HMCN2: variants seen among roughly 807,000 people sequenced by gnomAD.
HMCN2 encodes the protein hemicentin 2.
Under a neutral mutation model 377.5 loss-of-function variants are expected in HMCN2, and 325 were observed. The ratio of observed to expected loss-of-function variants is 0.86; its 90% confidence interval spans 0.79 to 0.94. The LOEUF is 0.94. HMCN2 is among the 40% of genes least tolerant of loss of function. HMCN2 has a pLI of 0.00. For missense variants in HMCN2, 4,543 were observed against 4,725.3 expected, an observed-to-expected ratio of 0.96 and a Z score of 1.13; for synonymous variants, 2,007 against 2,046.8, an observed-to-expected ratio of 0.98 and a Z score of 0.53.
intron 7 of HMCN2, 67 bp downstream of exon 7, chr9:130,296,861 A>C (rs1049900933): frequency 6.6e-6 from 3 of 456,214 alleles, no homozygotes; most frequent in African/African-American, 2.0e-5. Flanking sequence ...GGCTTTGGGA[A>C]GTAGGGGGGA....
At chr9:130,349,787 GC>G in intron 29 of HMCN2, 124 bp downstream of exon 29, 1 of 987,434 alleles carries the variant, frequency 1.0e-6, no homozygotes, top group Non-Finnish European at 1.3e-6. Context: ...GCCACCCAGG[GC>G]CCAGACTGAG....
rs1054675697 is a variant in HMCN2 at position 130,353,010 on chromosome 9, C to T, written c.4669C>T (p.Arg1557Ter). ...CCTAGTGCAGCTCCTGTGTGAGGCT[C>T]GAGGAGTGCCCACCCCAAACATCAC... The part of the protein sequence containing the change: ...DHLVQLLCEA[R>*]GVPTPNITWF... The change falls in exon 31 of 98, where the codon CGA becomes TGA. Residue 1557 changes from arginine to a stop codon, truncating the protein, a stop_gained. Coordinates refer to ENST00000683500, the MANE Select transcript of HMCN2 (RefSeq NM_001291815.2). LOFTEE classifies it high-confidence loss of function. 1.4e-5 allele frequency: 18 copies of T among 1,303,952 alleles called. No homozygotes were observed. Among genetic ancestry groups the T allele is most frequent in the African/African-American group, 9.1e-5 (6 of 65,816 alleles). The allele number at this position is 1,303,952 out of a possible 1,614,324, so 80.8% of individuals were successfully genotyped here.
chr9:130,358,796 C>A (rs1399362250), intron 36 of HMCN2, among the ~76,000 whole-genome samples: 1 of 152,102 alleles, frequency 6.6e-6, no homozygotes, highest in African/African-American at 2.4e-5. Context: ...GCCTCAGCCT[C>A]CCGAGCAGCT....
intron 22 of HMCN2, among the ~76,000 whole-genome samples, chr9:130,334,549 G>GT (rs1192246439): frequency 0.14 from 13,860 of 98,914 alleles, 1,434 homozygotes; most frequent in East Asian, 0.26. Context: ...ACTTTTGGAA[G>GT]TTTTTTTTTT....
chr9:130,351,395 G>GGCGCTTTTCCCTT lies in HMCN2; in HGVS notation c.4431-25_4431-13dup. The stretch of plus-strand genomic sequence containing the variant: ...TCCCATCCAGCCCCTCGGCCTTACT[G>GGCGCTTTTCCCTT]GCGCTTTTCCCTTGCCCGTCTCTCC... On this transcript the variant is annotated intron_variant, in intron 29 of 97. Transcript: ENST00000683500. The surrounding 1 kb of genome is among the most constrained non-coding windows in gnomAD (Gnocchi z 5.4). 7.7e-7 allele frequency: 1 copy of GGCGCTTTTCCCTT among 1,291,256 alleles called. No homozygotes were observed. Among genetic ancestry groups the GGCGCTTTTCCCTT allele is most frequent in the Non-Finnish European group, 1.0e-6 (1 of 979,610 alleles). 80.0% of individuals were successfully genotyped at this position (1,291,256 alleles called of 1,614,324 possible).
chr9:130,288,769 T>A (rs1835561614), intron 4 of HMCN2, among the ~76,000 whole-genome samples: 1 of 152,186 alleles, frequency 6.6e-6, no homozygotes. Flanking sequence ...GCATTTCACT[T>A]TTTTTCAATT....
At position 130,429,615 on chromosome 9, in the gene HMCN2, C is replaced by T; in HGVS notation, c.14256C>T (p.Asn4752=). Residue 4752 remains asparagine (N), a synonymous_variant, in exon 94 of 98, where the codon AAC becomes AAT. Coordinates refer to ENST00000683500, the MANE Select transcript of HMCN2 (RefSeq NM_001291815.2). ...DDCHYNQLCE[N]TPGGHRCSCP... The stretch of plus-strand genomic sequence containing the variant: ...GTCACTACAACCAGCTCTGCGAGAA[C>T]ACCCCAGGCGGTCACCGCTGCAGCT... 1 of 1,550,060 alleles carries T rather than the reference C, an allele frequency of 6.5e-7. No individual in the cohort carries two copies. Among genetic ancestry groups the T allele is most frequent in the East Asian group, 2.4e-5 (1 of 40,928 alleles).
In HMCN2 at chr9:130,407,515, A is replaced by G. The variant is rs951196985; in HGVS notation, c.12554-56A>G. 7.1e-5 allele frequency: 90 copies of G among 1,268,352 alleles called. No individual in the cohort carries two copies. In the African/African-American group the frequency reaches 1.2e-3, roughly 17 times the overall value. The allele number at this position is 1,268,352 out of a possible 1,614,324, so 78.6% of individuals were successfully genotyped here. On this transcript the variant is annotated intron_variant, in intron 82 of 97. Coordinates refer to ENST00000683500, the MANE Select transcript of HMCN2 (RefSeq NM_001291815.2). ...AAGTTCCTGCAGGTACCCAGGCACC[A>G]GGGAAGTGTTTAGGGCAGGAGTTCC...
At chr9:130,412,709 T>G (rs1394446923) in intron 85 of HMCN2, among the ~76,000 whole-genome samples, 1 of 152,036 alleles carries the variant, frequency 6.6e-6, no homozygotes, top group Non-Finnish European at 1.5e-5. Context: ...CCCAAGTAGC[T>G]GGGATTACAG....
chr9:130,297,807 T>C (rs1554932670), intron 7 of HMCN2, among the ~76,000 whole-genome samples: 1 of 152,188 alleles, frequency 6.6e-6, no homozygotes, highest in Non-Finnish European at 1.5e-5. Flanking sequence ...GCAGGGAAAC[T>C]TTGATTCTAC....
chr9:130,345,755 T>G (rs1839360893), intron 25 of HMCN2, among the ~76,000 whole-genome samples: 1 of 151,822 alleles, frequency 6.6e-6, no homozygotes, highest in Non-Finnish European at 1.5e-5. Context: ...GGGGATTCAG[T>G]AAGTTGCCCA....
intron 5 of HMCN2, 140 bp from the exon 6 acceptor site, chr9:130,295,526 C>T (rs947507): frequency 0.7 from 231,079 of 330,070 alleles, 81,977 homozygotes; most frequent in East Asian, 0.97. Context: ...AGGCAGTGGC[C>T]GAGGACCACC....
At chr9:130,354,673 G>A in intron 31 of HMCN2, 90 bp from the exon 32 acceptor site, 2 of 1,117,052 alleles carry the variant, frequency 1.8e-6, no homozygotes, top group Non-Finnish European at 2.3e-6. Context: ...AGTGGGGTCG[G>A]TGAGGGGCTT....
chr9:130,428,598 A>G lies in HMCN2; in HGVS notation c.14197+109A>G. The G allele has an allele frequency of 7.1e-7, 1 of 1,403,044 alleles. No individual in the cohort carries two copies. Among genetic ancestry groups the G allele is most frequent in the Non-Finnish European group, 9.6e-7 (1 of 1,045,986 alleles). 86.9% of individuals were successfully genotyped at this position (1,403,044 alleles called of 1,614,324 possible). A position where few individuals can be genotyped will look rare whatever the true frequency, so the allele number is the denominator to read the frequency against. The stretch of plus-strand genomic sequence containing the variant: ...CACTGGGCTCTGGGCTTCCAGGAAG[A>G]CTGGGACTCTTGGCAGAAGGAGTAC... On this transcript the variant is annotated intron_variant, in intron 93 of 97. Transcript: ENST00000683500. The surrounding 1 kb of genome is among the most constrained non-coding windows in gnomAD (Gnocchi z 5.0).
At chr9:130,276,009 G>C (rs1554923010) in intron 1 of HMCN2, among the ~76,000 whole-genome samples, 1 of 152,050 alleles carries the variant, frequency 6.6e-6, no homozygotes, top group African/African-American at 2.4e-5. Context: ...GCGAGGAACT[G>C]TGCAGGGGAG....
At chr9:130,405,198 A>G (rs1843034902) in intron 81 of HMCN2, 139 bp downstream of exon 81, 2 of 531,110 alleles carry the variant, frequency 3.8e-6, no homozygotes, top group South Asian at 5.9e-5. Context: ...ACAGACAGCC[A>G]GAACTGAGGC....
intron 7 of HMCN2, 76 bp from the exon 8 acceptor site, chr9:130,298,949 C>T (rs541189403): frequency 7.1e-5 from 29 of 407,146 alleles, no homozygotes; most frequent in Admixed American, 1.6e-4. Flanking sequence ...GGGTGTGGTT[C>T]GAGGGCCCCT....
intron 66 of HMCN2, among the ~76,000 whole-genome samples, chr9:130,392,720 G>C (rs1048411209): frequency 6.7e-6 from 1 of 150,202 alleles, no homozygotes; most frequent in Non-Finnish European, 1.5e-5. Context: ...TAAGCAGGCC[G>C]GGTGCGGTGG....
At position 130,382,854 on chromosome 9, in the gene HMCN2, G is replaced by A; in HGVS notation, c.8721G>A (p.Gly2907=). Residue 2907 remains glycine (G), a synonymous_variant, in exon 56 of 98, where the codon GGG becomes GGA. Coordinates refer to ENST00000683500, the MANE Select transcript of HMCN2 (RefSeq NM_001291815.2). ...PSPRLQVLED[G]QVLQVSTAEV... ...CACGGCTGCAGGTCCTGGAGGACGG[G>A]CAAGTCTTGCAGGTCAGGGCAGCCC... The A allele has an allele frequency of 4.1e-6, 4 of 985,888 alleles. No homozygotes were observed. The highest frequency in any genetic ancestry group is 4.8e-6 in the Non-Finnish European group (4 of 829,934). The allele number at this position is 985,888 out of a possible 1,614,324, so 61.1% of individuals were successfully genotyped here. A position where few individuals can be genotyped will look rare whatever the true frequency, so the allele number is the denominator to read the frequency against.
Sources: allele counts gnomAD v4.1 joint callset (sites outside exome capture counted in the v4.1 genomes callset), GRCh38; gene constraint gnomAD v4.1.1; non-coding constraint Gnocchi (gnomAD v3.1); transcripts MANE v1.5; gene names NCBI Gene and HGNC (gene_info 2026-07-23, HGNC 2026-07-21).